Variants in C8orf34 observed in about 807,000 individuals in gnomAD.
C8orf34 encodes the protein uncharacterized protein C8orf34.
C8orf34 carries 65 observed loss-of-function variants against 68.3 expected under a neutral mutation model. The ratio of observed to expected loss-of-function variants is 0.95; its 90% CI spans 0.78 to 1.17. C8orf34 has a LOEUF of 1.17. C8orf34 is among the 50% of genes most tolerant of loss of function. C8orf34 has a pLI of 0.00. For missense variants in C8orf34, 664 were observed against 655.4 expected (o/e 1.01, Z -0.14); for synonymous variants, 244 against 241.2 (o/e 1.01, Z -0.11).
intron 11 of C8orf34, among the ~76,000 whole-genome samples, chr8:68,783,553 A>G (rs1055393531): frequency 2.7e-5 from 4 of 150,416 alleles, no homozygotes; most frequent in Non-Finnish European, 5.9e-5. Flanking sequence ...AAAAGGAAGC[A>G]TATCTGACGG....
intron 8 of C8orf34, among the ~76,000 whole-genome samples, chr8:68,687,329 A>G (rs2130895826): frequency 6.6e-6 from 1 of 152,262 alleles, no homozygotes; most frequent in South Asian, 2.1e-4. Context: ...AAAAGGACAA[A>G]TTTGGAGGCA....
At chr8:68,779,162 A>G (rs7844031) in intron 11 of C8orf34, among the ~76,000 whole-genome samples, 73,122 of 149,516 alleles carry the variant, frequency 0.49, 20,292 homozygotes, top group African/African-American at 0.76. Context: ...GCGTGACAGT[A>G]TAAGATCCTG....
At chr8:68,566,711 C>G (rs891051435) in intron 7 of C8orf34, among the ~76,000 whole-genome samples, 1 of 151,636 alleles carries the variant, frequency 6.6e-6, no homozygotes. Context: ...GATCTTCTTT[C>G]CAGGCCATTC....
intron 1 of C8orf34, among the ~76,000 whole-genome samples, chr8:68,414,419 G>A (rs750441019): frequency 7.9e-5 from 12 of 152,130 alleles, no homozygotes; most frequent in South Asian, 2.1e-4. Context: ...ATTATCATAC[G>A]AAATGAAACT....
At chr8:68,427,404 A>T (rs988650983) in intron 1 of C8orf34, among the ~76,000 whole-genome samples, 3 of 152,328 alleles carry the variant, frequency 2.0e-5, no homozygotes, top group East Asian at 1.9e-4. Flanking sequence ...ACGTGGACAA[A>T]CCTCAAGGAA....
chr8:68,647,981 A>G (rs1819230466), intron 8 of C8orf34, among the ~76,000 whole-genome samples: 1 of 152,204 alleles, frequency 6.6e-6, no homozygotes, highest in Admixed American at 6.5e-5. Flanking sequence ...CTAATCCAGA[A>G]CATTTTATTT....
chr8:68,351,111 T>C (rs1187496398), intron 1 of C8orf34, among the ~76,000 whole-genome samples: 1 of 151,938 alleles, frequency 6.6e-6, no homozygotes, highest in East Asian at 1.9e-4. Context: ...CTTTTCTTTC[T>C]ATATTAAGTG....
chr8:68,618,047 C>G (rs1339711141), intron 7 of C8orf34, among the ~76,000 whole-genome samples: 1 of 151,608 alleles, frequency 6.6e-6, no homozygotes, highest in East Asian at 1.9e-4. Context: ...CCATCTATAC[C>G]CTTCCTATTT....
chr8:68,468,308 T>C (rs1812234132), intron 3 of C8orf34, among the ~76,000 whole-genome samples: 1 of 152,110 alleles, frequency 6.6e-6, no homozygotes. Flanking sequence ...TAGCCTTCTA[T>C]GAATGTCCTA....
intron 8 of C8orf34, among the ~76,000 whole-genome samples, chr8:68,668,986 C>G (rs567084971): frequency 2.6e-4 from 39 of 152,208 alleles, no homozygotes; most frequent in African/African-American, 9.4e-4. Context: ...TGATTTTGGG[C>G]TTGTTAGATG....
chr8:68,613,866 C>G (rs1818106511), intron 7 of C8orf34, among the ~76,000 whole-genome samples: 1 of 152,128 alleles, frequency 6.6e-6, no homozygotes, highest in Non-Finnish European at 1.5e-5. Flanking sequence ...AATCGCCACA[C>G]TGACTTCCAC....
intron 1 of C8orf34, among the ~76,000 whole-genome samples, chr8:68,382,717 T>C (rs1808093785): frequency 1.3e-5 from 2 of 152,208 alleles, no homozygotes; most frequent in Admixed American, 6.5e-5. Context: ...CACCTCCACC[T>C]GCTCTTTAAA....
chr8:68,776,361 TCCTGA>T, intron 10 of C8orf34, 33 bp from the exon 11 acceptor site: 1 of 1,513,582 alleles, frequency 6.6e-7, no homozygotes. Flanking sequence ...TCTCTCCTTC[TCCTGA>T]CCTTTTCAAC....
chr8:68,501,915 G>A (rs1307620077), intron 5 of C8orf34, among the ~76,000 whole-genome samples: 1 of 151,996 alleles, frequency 6.6e-6, no homozygotes, highest in Non-Finnish European at 1.5e-5. Context: ...AGTCAATTTT[G>A]TTGTCATGTT....
chr8:68,682,682 A>G (rs906526000), intron 8 of C8orf34, among the ~76,000 whole-genome samples: 4 of 152,162 alleles, frequency 2.6e-5, no homozygotes, highest in African/African-American at 9.6e-5. Context: ...GTTATATTTC[A>G]GAGTGACATA....
intron 4 of C8orf34, among the ~76,000 whole-genome samples, chr8:68,479,620 C>T (rs1812774702): frequency 6.6e-6 from 1 of 152,040 alleles, no homozygotes. Context: ...TGCACTTTGT[C>T]CTCTGAGACT....
intron 11 of C8orf34, among the ~76,000 whole-genome samples, chr8:68,780,393 G>C (rs942053774): frequency 8.5e-5 from 13 of 152,186 alleles, no homozygotes; most frequent in African/African-American, 3.1e-4. Flanking sequence ...AGTTGGAAAA[G>C]AAGATGAAGT....
intron 1 of C8orf34, among the ~76,000 whole-genome samples, chr8:68,394,160 C>T (rs1308622356): frequency 6.6e-6 from 1 of 151,664 alleles, no homozygotes; most frequent in African/African-American, 2.4e-5. Flanking sequence ...CATATGTATA[C>T]ATGTGCCATG....
intron 4 of C8orf34, among the ~76,000 whole-genome samples, chr8:68,471,998 C>G (rs1405517102): frequency 1.3e-5 from 2 of 151,564 alleles, no homozygotes; most frequent in African/African-American, 4.9e-5. Context: ...TAGATAGTCT[C>G]TTCAGTTTGC....
Sources: allele counts gnomAD v4.1 joint callset (sites outside exome capture counted in the v4.1 genomes callset), GRCh38; gene constraint gnomAD v4.1.1; transcripts MANE v1.5; gene names NCBI Gene and HGNC (gene_info 2026-07-23, HGNC 2026-07-21).